Variants in UNC13C observed in about 807,000 individuals in gnomAD.
UNC13C encodes protein unc-13 homolog C.
Under a neutral mutation model 245.4 loss-of-function variants are expected in UNC13C, and 174 were observed. The observed-to-expected ratio is 0.71, with a 90% CI of 0.63 to 0.80. The LOEUF (loss-of-function observed/expected upper bound fraction) is 0.80. UNC13C is among the 30% of genes least tolerant of loss of function. The pLI, the probability that UNC13C is intolerant of heterozygous loss-of-function variation, is 0.00. For synonymous variants in UNC13C, 992 were observed against 895.1 expected, an observed-to-expected ratio of 1.11 and a Z score of -1.93; for missense variants, 2,829 against 2,602.9, an observed-to-expected ratio of 1.09 and a Z score of -1.89.
At position 54,500,888 on chromosome 15, in the gene UNC13C, T is replaced by C. The variant is rs1567331461; in HGVS notation, c.5211T>C (p.Phe1737=). 6.2e-7 allele frequency: 1 copy of C among 1,613,058 alleles called. No individual in the cohort carries two copies. Among genetic ancestry groups the C allele is most frequent in the South Asian group, 1.1e-5 (1 of 91,060 alleles). The part of the protein sequence containing the change: ...ALFSCSVVDV[F]AQLNQSFEII... ...TTTCTTGCTCCGTGGTTGATGTCTT[T>C]GCTCAGCTGAATCAGAGCTTTGAAA... Residue 1737 remains phenylalanine, a synonymous_variant, in exon 22 of 33, where the codon TTT becomes TTC. Coordinates refer to ENST00000260323, the MANE Select transcript of UNC13C (RefSeq NM_001080534.3).
chr15:53,847,357 AT>A, the UNC13C span, among the ~76,000 whole-genome samples: 1,546 of 139,732 alleles, frequency 0.011, 15 homozygotes, highest in East Asian at 0.048. Context: ...TTCATTAGCT[AT>A]TTTTTTTTTT....
chr15:54,600,408 G>C (rs1899347232), intron 30 of UNC13C, among the ~76,000 whole-genome samples: 1 of 152,066 alleles, frequency 6.6e-6, no homozygotes, highest in South Asian at 2.1e-4. Flanking sequence ...ATGTAGGAAT[G>C]AGCAAGCTGT....
chr15:54,147,617 G>A (rs550025916), intron 4 of UNC13C, among the ~76,000 whole-genome samples: 1 of 152,098 alleles, frequency 6.6e-6, no homozygotes, highest in African/African-American at 2.4e-5. Flanking sequence ...CTCCTTTGGT[G>A]CTTTGATTAT....
At chr15:54,114,364 A>G (rs542543769) in intron 2 of UNC13C, among the ~76,000 whole-genome samples, 35 of 152,270 alleles carry the variant, frequency 2.3e-4, no homozygotes, top group Non-Finnish European at 3.8e-4. Flanking sequence ...TTTAATGTCC[A>G]TCCTTCCAGG....
At chr15:54,060,187 A>T (rs1897746307) in intron 2 of UNC13C, among the ~76,000 whole-genome samples, 2 of 152,230 alleles carry the variant, frequency 1.3e-5, no homozygotes, top group Non-Finnish European at 2.9e-5. Flanking sequence ...GGCAACCTAC[A>T]GAATGGGAGA....
upstream of UNC13C, among the ~76,000 whole-genome samples, chr15:53,976,202 T>C (rs564552826): frequency 1.3e-5 from 2 of 152,306 alleles, no homozygotes; most frequent in African/African-American, 4.8e-5. Context: ...ACATGTTTCC[T>C]GCCACTTTCA....
intron 26 of UNC13C, among the ~76,000 whole-genome samples, chr15:54,545,548 A>T (rs949359803): frequency 6.6e-6 from 1 of 152,194 alleles, no homozygotes; most frequent in Non-Finnish European, 1.5e-5. Context: ...CAATATATCC[A>T]TCTGGGCTAA....
At chr15:53,945,769 C>G in the UNC13C span, among the ~76,000 whole-genome samples, 1 of 151,744 alleles carries the variant, frequency 6.6e-6, no homozygotes, top group East Asian at 1.9e-4. Flanking sequence ...TACTTTTTTC[C>G]TAGTTATGTG....
chr15:54,309,318 A>G (rs1484726579), intron 13 of UNC13C, among the ~76,000 whole-genome samples: 6 of 151,870 alleles, frequency 4.0e-5, no homozygotes, highest in Non-Finnish European at 7.4e-5. Flanking sequence ...GGAAATATCT[A>G]TTCAGATCCT....
At chr15:54,457,880 G>C (rs1165942149) in intron 19 of UNC13C, among the ~76,000 whole-genome samples, 1 of 135,518 alleles carries the variant, frequency 7.4e-6, no homozygotes, top group African/African-American at 2.8e-5. Context: ...ATGTAGTTCT[G>C]CTCTGCTTTT....
rs1207429574 is a variant in UNC13C at position 54,219,754 on chromosome 15, AAAAAAACAACCCCATC to A, written c.3072-15270_3072-15255del. Among the ~76,000 whole-genome samples the A allele has an allele frequency of 2.6e-5, 4 of 151,800 alleles. No individual in the cohort carries two copies. In the East Asian group the frequency reaches 7.7e-4, roughly 29 times the overall value. ...CAATGAACTCAAACAAATTTACAAG[AAAAAAACAACCCCATC>A]AAAAAGTGGGCAAAGGATATGAACA... On this transcript the variant is annotated intron_variant, in intron 4 of 32. Coordinates refer to ENST00000260323, the MANE Select transcript of UNC13C (RefSeq NM_001080534.3).
At chr15:54,234,529 GTA>G (rs1371682478) in intron 4 of UNC13C, among the ~76,000 whole-genome samples, 1 of 152,126 alleles carries the variant, frequency 6.6e-6, no homozygotes, top group Non-Finnish European at 1.5e-5. Flanking sequence ...GGAACTTGCG[GTA>G]TAAGGGTAAT....
intron 7 of UNC13C, among the ~76,000 whole-genome samples, chr15:54,242,218 A>G (rs1197200445): frequency 3.3e-5 from 5 of 152,164 alleles, no homozygotes; most frequent in African/African-American, 9.7e-5. Flanking sequence ...TTTCTATAAA[A>G]TAAGTTCTGT....
intron 19 of UNC13C, among the ~76,000 whole-genome samples, chr15:54,450,784 C>G (rs1468607454): frequency 6.6e-6 from 1 of 152,124 alleles, no homozygotes; most frequent in African/African-American, 2.4e-5. Context: ...TGTCCTGCCC[C>G]CACTGTCCGA....
downstream of UNC13C, chr15:54,631,105 G>C (rs1212725836): frequency 6.6e-6 from 1 of 152,180 alleles, no homozygotes; most frequent in African/African-American, 2.4e-5. Flanking sequence ...AGCACACTGA[G>C]AGGCCGAGAC....
At chr15:54,501,463 T>C (rs1894209615) in intron 22 of UNC13C, among the ~76,000 whole-genome samples, 1 of 152,166 alleles carries the variant, frequency 6.6e-6, no homozygotes, top group South Asian at 2.1e-4. Flanking sequence ...ATTTGACATA[T>C]TGATTTTGAT....
At chr15:53,903,978 C>T in the UNC13C span, among the ~76,000 whole-genome samples, 2 of 152,114 alleles carry the variant, frequency 1.3e-5, no homozygotes, top group East Asian at 1.9e-4. Flanking sequence ...TGACATTGTG[C>T]AGGGACATAG....
Position 54,185,111 on chromosome 15 carries a change from G to C in UNC13C, c.3071+41427G>C, listed in dbSNP as rs540243191. ...ATATCCTTCGCTCACTTTTTGACGG[G>C]GTTGTTTGTTTTTTTTCTTGTAAAT... On this transcript the variant is annotated intron_variant, in intron 4 of 32. Transcript: ENST00000260323. Among the ~76,000 whole-genome samples the C allele has an allele frequency of 2.0e-5, 3 of 152,124 alleles. No individual in the cohort carries two copies. The East Asian group carries it at 5.8e-4, about 29-fold the overall frequency.
intron 19 of UNC13C, among the ~76,000 whole-genome samples, chr15:54,463,252 A>G (rs1478365084): frequency 5.4e-4 from 9 of 16,788 alleles, no homozygotes; most frequent in Non-Finnish European, 8.2e-4. Context: ...TGGGCCAATC[A>G]GTAGAATGTG....
Sources: gnomAD v4.1 joint callset for allele counts (sites outside exome capture counted in the v4.1 genomes callset) on GRCh38, gnomAD v4.1.1 for gene constraint, MANE v1.5 for transcripts, NCBI Gene and HGNC (gene_info 2026-07-23, HGNC 2026-07-21) for gene names.